ZNF783: variants seen among roughly 807,000 people sequenced by gnomAD.
ZNF783 encodes zinc finger protein 783.
A neutral mutation model predicts 31.3 loss-of-function variants in ZNF783; 25 were observed. That is an observed-to-expected ratio of 0.80 (90% confidence interval 0.58 to 1.11). The LOEUF (loss-of-function observed/expected upper bound fraction) is 1.11. ZNF783 is among the 50% of genes most tolerant of loss of function. ZNF783 has a pLI of 0.00. For synonymous variants in ZNF783, 369 were observed against 319.1 expected (o/e 1.16, Z -1.66); for missense variants, 797 against 760.0 (o/e 1.05, Z -0.57).
intron 4 of ZNF783, among the ~76,000 whole-genome samples, chr7:149,271,227 G>A (rs552582444): frequency 1.3e-5 from 2 of 152,304 alleles, no homozygotes; most frequent in South Asian, 2.1e-4. Flanking sequence ...CGTGAGCCAC[G>A]GCGCCCAGCC....
At position 149,281,614 on chromosome 7, in the gene ZNF783, GC is replaced by G; in HGVS notation, c.915del (p.Arg306GlyfsTer55). On this transcript the variant is annotated frameshift_variant, in exon 6 of 6. Coordinates refer to ENST00000434415, the MANE Select transcript of ZNF783 (RefSeq NM_001195220.2). LOFTEE classifies it low-confidence loss of function (END_TRUNC). ...AGACCGAGTGTAGAATCCCCCGAGG[GC>G]CCAGGAACAGGCCTGGGGGCCCCAG... ...GQTECRIPRG[P>X]RNRPGGPSRH... is the part of the protein sequence containing the mutation. The G allele has an allele frequency of 6.5e-7, 1 of 1,549,134 alleles. No individual in the cohort carries two copies. The highest frequency in any genetic ancestry group is 1.2e-5 in the South Asian group (1 of 83,312).
intron 4 of ZNF783, among the ~76,000 whole-genome samples, chr7:149,270,704 G>A (rs1316354056): frequency 2.6e-5 from 4 of 152,130 alleles, no homozygotes; most frequent in Non-Finnish European, 4.4e-5. Context: ...GACCTCAGTG[G>A]CTTTCAGACA....
chr7:149,269,522 A>G (rs1797162721), intron 4 of ZNF783, among the ~76,000 whole-genome samples: 1 of 152,162 alleles, frequency 6.6e-6, no homozygotes, highest in African/African-American at 2.4e-5. Context: ...GGTATTTCCT[A>G]GGTTTTATTC....
Position 149,267,099 on chromosome 7 carries a change from T to C in ZNF783, c.550T>C (p.Tyr184His), listed in dbSNP as rs369627807. The change falls in exon 4 of 6, where the codon TAT becomes CAT. Residue 184 changes from tyrosine (Y) to histidine (H), a missense_variant and splice_region_variant. Tyr to His is a moderately conservative substitution (Grantham distance 83, BLOSUM62 2). Coordinates refer to ENST00000434415, the MANE Select transcript of ZNF783 (RefSeq NM_001195220.2). The part of the protein sequence containing the change: ...GNYETLVSLD[Y>H]AISKPDILTR... ...CTCATTTCTTGTTCTGTGCACAGAT[T>C]ATGCAATCTCCAAACCAGACATCCT... 6.2e-7 allele frequency: 1 copy of C among 1,600,846 alleles called. No homozygotes were observed. The highest frequency in any genetic ancestry group is 1.3e-5 in the African/African-American group (1 of 74,956).
intron 4 of ZNF783, among the ~76,000 whole-genome samples, chr7:149,271,888 G>A (rs1289663501): frequency 1.3e-5 from 2 of 152,194 alleles, no homozygotes; most frequent in Non-Finnish European, 2.9e-5. Context: ...TCTGTGGTAT[G>A]ATAGTTTATT....
chr7:149,278,561 G>C, intron 5 of ZNF783, 34 bp downstream of exon 5: 3 of 1,598,428 alleles, frequency 1.9e-6, no homozygotes, highest in Non-Finnish European at 2.5e-6. Flanking sequence ...AGGATGAACA[G>C]TGTCCCGAGG....
intron 5 of ZNF783, among the ~76,000 whole-genome samples, chr7:149,279,632 G>GTTTTTTTTTTTTTTTTTTTTTTATTTTT (rs1797413618): frequency 3.0e-5 from 3 of 100,340 alleles, no homozygotes; most frequent in Non-Finnish European, 5.9e-5. Flanking sequence ...TTTTATCTTT[G>GTTTTTTTTTTTTTTTTTTTTTTATTTTT]TTTTTTTTTT....
chr7:149,282,980 G>GTTT lies in ZNF783; in HGVS notation c.*642_*644dup, dbSNP rs376463824. 1 of 126,282 alleles carries GTTT rather than the reference G, an allele frequency of 7.9e-6. No individual in the cohort carries two copies. Among genetic ancestry groups the GTTT allele is most frequent in the African/African-American group, 2.6e-5 (1 of 38,566 alleles). 7.8% of individuals were successfully genotyped at this position (126,282 alleles called of 1,614,324 possible). ...TGGTTTTTTTTTTGTTGTTGTTGTTGTTTTTTTAAGATGGAGTTTCACTCT... is the reference window on the plus strand; with the variant it reads ...TGGTTTTTTTTTTGTTGTTGTTGTTGTTTTTTTTTTAAGATGGAGTTTCACTCT... On this transcript the variant is annotated 3_prime_UTR_variant, in exon 6 of 6. Coordinates refer to ENST00000434415, the MANE Select transcript of ZNF783 (RefSeq NM_001195220.2).
intron 4 of ZNF783, among the ~76,000 whole-genome samples, chr7:149,274,511 G>A (rs990836531): frequency 2.0e-5 from 3 of 152,016 alleles, no homozygotes; most frequent in East Asian, 1.9e-4. Context: ...GACTACAGGC[G>A]CCAGCCACCA....
intron 5 of ZNF783, among the ~76,000 whole-genome samples, chr7:149,279,899 T>C (rs1797421840): frequency 6.6e-6 from 1 of 152,100 alleles, no homozygotes; most frequent in Admixed American, 6.5e-5. Context: ...CCATCCGATT[T>C]CTCAATCTTT....
In ZNF783 at chr7:149,267,089, G is replaced by T. The variant is rs376545463; in HGVS notation, c.548-8G>T. On this transcript the variant is annotated splice_polypyrimidine_tract_variant and splice_region_variant and intron_variant, in intron 3 of 5. Coordinates refer to ENST00000434415, the MANE Select transcript of ZNF783 (RefSeq NM_001195220.2). ...CCAGCTCTTCCTCATTTCTTGTTCT[G>T]TGCACAGATTATGCAATCTCCAAAC... is the stretch of plus-strand genomic sequence containing the variant. The T allele has an allele frequency of 5.3e-5, 85 of 1,601,796 alleles. No individual in the cohort carries two copies. Among genetic ancestry groups the T allele is most frequent in the Non-Finnish European group, 5.7e-5 (67 of 1,179,816 alleles).
intron 4 of ZNF783, among the ~76,000 whole-genome samples, chr7:149,270,810 T>A (rs1446505530): frequency 6.6e-6 from 1 of 152,206 alleles, no homozygotes; most frequent in Non-Finnish European, 1.5e-5. Flanking sequence ...AGGAGTGGTA[T>A]TTAGAGATTA....
At position 149,270,048 on chromosome 7, in the gene ZNF783, A is replaced by G. The variant is rs529655281; in HGVS notation, c.673+2826A>G. ...GTATTCCATGGTGTATATGTGCCAC[A>G]TTTTCTTAATCCAGTCTATCATTGT... On this transcript the variant is annotated intron_variant, in intron 4 of 5. Coordinates refer to ENST00000434415, the MANE Select transcript of ZNF783 (RefSeq NM_001195220.2). 2.6e-5 allele frequency among the ~76,000 whole-genome samples: 4 copies of G among 151,978 alleles called. No individual in the cohort carries two copies. In the South Asian group the frequency reaches 8.3e-4, roughly 32 times the overall value.
intron 4 of ZNF783, among the ~76,000 whole-genome samples, chr7:149,274,677 C>G (rs911375923): frequency 6.6e-6 from 1 of 152,208 alleles, no homozygotes; most frequent in African/African-American, 2.4e-5. Flanking sequence ...AATATGTGTT[C>G]TTGACACCTT....
chr7:149,276,912 G>C (rs968671765), intron 4 of ZNF783, among the ~76,000 whole-genome samples: 3 of 151,388 alleles, frequency 2.0e-5, no homozygotes, highest in Non-Finnish European at 4.4e-5. Context: ...GCAGTGGCGC[G>C]ATCTCGGCTC....
At chr7:149,271,580 T>G (rs983088110) in intron 4 of ZNF783, among the ~76,000 whole-genome samples, 5 of 152,168 alleles carry the variant, frequency 3.3e-5, no homozygotes, top group Non-Finnish European at 7.4e-5. Context: ...ATTTTTAGAT[T>G]TTTTATTGAT....
chr7:149,282,057 T>G lies in ZNF783; in HGVS notation c.1355T>G (p.Leu452Arg). 1 of 1,594,830 alleles carries G rather than the reference T, an allele frequency of 6.3e-7. No individual in the cohort carries two copies. The highest frequency in any genetic ancestry group is 8.5e-7 in the Non-Finnish European group (1 of 1,178,232). ...LRFFQQRKSL[L>R]LHQRLHTGNG... ...TTCTTCCAGCAGCGCAAGAGCCTGC[T>G]GCTGCACCAGCGCCTGCACACCGGC... The change falls in exon 6 of 6, where the codon CTG becomes CGG. Residue 452 changes from leucine (L) to arginine (R), a missense_variant. Physicochemically the swap from Leu to Arg is moderately radical, Grantham distance 102. Transcript: ENST00000434415.
intron 1 of ZNF783, among the ~76,000 whole-genome samples, chr7:149,264,337 A>G (rs1334204732): frequency 2.6e-5 from 4 of 152,156 alleles, no homozygotes; most frequent in Non-Finnish European, 4.4e-5. Flanking sequence ...TAAAAACGAG[A>G]GAGACTCAGG....
intron 1 of ZNF783, among the ~76,000 whole-genome samples, chr7:149,266,059 C>T (rs992655852): frequency 3.3e-5 from 5 of 152,322 alleles, no homozygotes; most frequent in Non-Finnish European, 5.9e-5. Flanking sequence ...GGGCATGCCC[C>T]GTCTCCATAG....
Sources: gnomAD v4.1 joint callset for allele counts (sites outside exome capture counted in the v4.1 genomes callset) on GRCh38, gnomAD v4.1.1 for gene constraint, MANE v1.5 for transcripts, NCBI Gene and HGNC (gene_info 2026-07-23, HGNC 2026-07-21) for gene names.